Variants in COL10A1 observed in about 807,000 individuals in gnomAD.
The protein encoded by COL10A1 is collagen alpha-1(X) chain.
Under a neutral mutation model 18.2 loss-of-function variants are expected in COL10A1, and 10 were observed. The ratio of observed to expected loss-of-function variants is 0.55; its 90% CI spans 0.34 to 0.93. The LOEUF (loss-of-function observed/expected upper bound fraction) is 0.93. Ranked by LOEUF, COL10A1 falls within the 40% of genes least tolerant of loss-of-function variation. The pLI, the probability that COL10A1 is intolerant of heterozygous loss-of-function variation, is 0.02. For missense variants in COL10A1, 897 were observed against 853.5 expected (o/e 1.05, Z -0.64); for synonymous variants, 330 against 316.6 (o/e 1.04, Z -0.45).
intron 1 of COL10A1, among the ~76,000 whole-genome samples, chr6:116,154,160 T>G (rs575003107): frequency 6.6e-6 from 1 of 151,710 alleles, no homozygotes; most frequent in East Asian, 1.9e-4. Context: ...AGAATAGCAA[T>G]AAGAGTCTAT....
At chr6:116,213,749 T>C in the COL10A1 span, among the ~76,000 whole-genome samples, 1 of 152,100 alleles carries the variant, frequency 6.6e-6, no homozygotes, top group South Asian at 2.1e-4. Flanking sequence ...TGAGAAGTGC[T>C]GTAACAGGCA....
At chr6:116,197,459 T>G in the COL10A1 span, among the ~76,000 whole-genome samples, 1 of 152,018 alleles carries the variant, frequency 6.6e-6, no homozygotes, top group Non-Finnish European at 1.5e-5. Context: ...CGGTCAAGAA[T>G]CAACATTCTT....
chr6:116,200,001 G>GT, the COL10A1 span, among the ~76,000 whole-genome samples: 1 of 149,858 alleles, frequency 6.7e-6, no homozygotes, highest in African/African-American at 2.5e-5. Context: ...ATGGAAAGTG[G>GT]GGGGGGAAGA....
chr6:116,155,866 CTT>C (rs979178594), intron 1 of COL10A1, among the ~76,000 whole-genome samples: 5 of 150,576 alleles, frequency 3.3e-5, no homozygotes, highest in Non-Finnish European at 4.4e-5. Context: ...TTTATGCTAT[CTT>C]TTATATAAAT....
intron 1 of COL10A1, chr6:116,137,350 A>G (rs752696913): frequency 9.2e-5 from 15 of 163,628 alleles, no homozygotes; most frequent in Non-Finnish European, 1.9e-4. Flanking sequence ...GTGATGTTCA[A>G]CTGAAACTTG....
chr6:116,199,551 G>A, the COL10A1 span, among the ~76,000 whole-genome samples: 3 of 152,036 alleles, frequency 2.0e-5, no homozygotes, highest in Admixed American at 2.0e-4. Flanking sequence ...AGTTTCTAAC[G>A]CCATTCTCCA....
chr6:116,166,894 G>C, the COL10A1 span, among the ~76,000 whole-genome samples: 2 of 152,054 alleles, frequency 1.3e-5, no homozygotes, highest in Admixed American at 1.3e-4. Flanking sequence ...ATAATTTTTT[G>C]TTATTCAGAA....
At chr6:116,139,831 G>A (rs1282761114) in intron 1 of COL10A1, among the ~76,000 whole-genome samples, 2 of 152,120 alleles carry the variant, frequency 1.3e-5, no homozygotes, top group Admixed American at 1.3e-4. Flanking sequence ...TAAAAGTTGT[G>A]TCTTTGAGAC....
At chr6:116,153,619 G>C (rs1478833859) in intron 1 of COL10A1, among the ~76,000 whole-genome samples, 1 of 152,144 alleles carries the variant, frequency 6.6e-6, no homozygotes, top group Non-Finnish European at 1.5e-5. Context: ...TAGGTACCTA[G>C]TTAGGCTTCA....
upstream of COL10A1, among the ~76,000 whole-genome samples, chr6:116,130,089 G>T (rs1056219400): frequency 2.0e-5 from 3 of 152,176 alleles, no homozygotes; most frequent in Admixed American, 6.5e-5. Context: ...GTTATAAAAT[G>T]ATGATATTCT....
chr6:116,166,052 T>C, the COL10A1 span, among the ~76,000 whole-genome samples: 1,322 of 152,086 alleles, frequency 8.7e-3, 20 homozygotes, highest in African/African-American at 0.028. Flanking sequence ...GTCATGAAGG[T>C]AGAAAGGCTC....
chr6:116,162,795 A>G (rs930115483), upstream of COL10A1, among the ~76,000 whole-genome samples: 1 of 152,094 alleles, frequency 6.6e-6, no homozygotes, highest in Non-Finnish European at 1.5e-5. Context: ...TCATAGAATG[A>G]GTTTAGGAGG....
chr6:116,162,924 G>A (rs376874370), upstream of COL10A1, among the ~76,000 whole-genome samples: 31 of 151,702 alleles, frequency 2.0e-4, 1 homozygote, highest in East Asian at 9.7e-4. Flanking sequence ...TCAGGAGATC[G>A]AGACCATCCT....
At chr6:116,181,049 A>G in the COL10A1 span, among the ~76,000 whole-genome samples, 4 of 151,604 alleles carry the variant, frequency 2.6e-5, no homozygotes, top group Non-Finnish European at 4.4e-5. Context: ...GGATGAAATC[A>G]TATGGTATCT....
At chr6:116,145,528 A>G (rs1356227948) in intron 1 of COL10A1, 4 of 314,478 alleles carry the variant, frequency 1.3e-5, no homozygotes, top group South Asian at 1.1e-4. Flanking sequence ...TTATTTCATT[A>G]GAACTCCTGT....
At chr6:116,136,323 G>GCACA (rs1779600245) in intron 1 of COL10A1, among the ~76,000 whole-genome samples, 1 of 151,808 alleles carries the variant, frequency 6.6e-6, no homozygotes, top group Non-Finnish European at 1.5e-5. Context: ...TATGTAATAT[G>GCACA]CACACTTTTT....
chr6:116,216,223 T>C, the COL10A1 span, among the ~76,000 whole-genome samples: 2 of 152,166 alleles, frequency 1.3e-5, no homozygotes, highest in Non-Finnish European at 2.9e-5. Context: ...GTAATAAAGA[T>C]ACTATAAAAT....
upstream of COL10A1, among the ~76,000 whole-genome samples, chr6:116,130,449 GT>G (rs34646840): frequency 6.6e-6 from 1 of 151,866 alleles, no homozygotes; most frequent in African/African-American, 2.4e-5. Flanking sequence ...GATCCCAGTA[GT>G]TTTTTTTATA....
the COL10A1 span, among the ~76,000 whole-genome samples, chr6:116,167,745 C>T: frequency 8.6e-5 from 13 of 151,988 alleles, no homozygotes; most frequent in Non-Finnish European, 1.9e-4. Context: ...TGCCCATGAC[C>T]GTTGTTGGAT....
Sources: gnomAD v4.1 joint callset for allele counts (sites outside exome capture counted in the v4.1 genomes callset) on GRCh38, gnomAD v4.1.1 for gene constraint, MANE v1.5 for transcripts, NCBI Gene and HGNC (gene_info 2026-07-23, HGNC 2026-07-21) for gene names.